XPO6: variants seen among roughly 807,000 people sequenced by gnomAD.
XPO6 encodes the protein exportin 6.
Under a neutral mutation model 130.0 loss-of-function variants are expected in XPO6, and 3 were observed. The observed-to-expected ratio is 0.02, with a 90% CI of 0.01 to 0.06. XPO6 has a LOEUF of 0.06. XPO6 is among the 10% of genes least tolerant of loss of function. The pLI, the probability that XPO6 is intolerant of heterozygous loss-of-function variation, is 1.00. For missense variants in XPO6, 970 were observed against 1,393.0 expected (o/e 0.70, Z 4.83); for synonymous variants, 524 against 548.9 (o/e 0.95, Z 0.63).
At chr16:28,195,149 G>C (rs550280145) in intron 1 of XPO6, among the ~76,000 whole-genome samples, 2 of 152,072 alleles carry the variant, frequency 1.3e-5, no homozygotes, top group South Asian at 2.1e-4. Context: ...TGCCACCTCA[G>C]TGGGGGCCAA....
chr16:28,112,584 C>T (rs1395994922), intron 16 of XPO6, among the ~76,000 whole-genome samples: 2 of 152,224 alleles, frequency 1.3e-5, no homozygotes, highest in Admixed American at 1.3e-4. Flanking sequence ...CAACAAAAAC[C>T]AGACTGCTTT....
intron 16 of XPO6, 103 bp downstream of exon 16, chr16:28,112,801 G>T: frequency 7.0e-7 from 1 of 1,437,386 alleles, no homozygotes. Flanking sequence ...GGTACAGCCT[G>T]TAAGCTCTGA....
intron 23 of XPO6, among the ~76,000 whole-genome samples, chr16:28,100,622 A>T (rs908177285): frequency 7.9e-5 from 12 of 152,236 alleles, no homozygotes; most frequent in African/African-American, 2.2e-4. Flanking sequence ...CAGAGGACTC[A>T]GGTCAAGAAC....
intron 17 of XPO6, among the ~76,000 whole-genome samples, chr16:28,109,129 C>G (rs1175506112): frequency 6.6e-6 from 1 of 152,098 alleles, no homozygotes; most frequent in Non-Finnish European, 1.5e-5. Context: ...AGACCAAAAT[C>G]TGACCTCTGG....
At chr16:28,171,334 T>TC (rs2043445033) in intron 4 of XPO6, among the ~76,000 whole-genome samples, 1 of 150,880 alleles carries the variant, frequency 6.6e-6, no homozygotes, top group African/African-American at 2.4e-5. Context: ...GCGCCTATAG[T>TC]CCCAGCTACT....
chr16:28,164,102 A>G (rs1183338892), intron 6 of XPO6, among the ~76,000 whole-genome samples: 1 of 152,244 alleles, frequency 6.6e-6, no homozygotes, highest in African/African-American at 2.4e-5. Context: ...AATAAGACAG[A>G]AAATTACATT....
At chr16:28,156,766 A>C (rs2043190522) in intron 6 of XPO6, among the ~76,000 whole-genome samples, 2 of 152,288 alleles carry the variant, frequency 1.3e-5, no homozygotes, top group South Asian at 4.1e-4. Flanking sequence ...ATCTGGATAC[A>C]ATCTTTAGTG....
At chr16:28,102,047 T>C (rs1000145486) in intron 21 of XPO6, 102 bp from the exon 22 acceptor site, 5 of 907,404 alleles carry the variant, frequency 5.5e-6, no homozygotes, top group African/African-American at 5.0e-5. Context: ...GTACCCATTG[T>C]CTTGATGCTT....
At position 28,177,349 on chromosome 16, in the gene XPO6, GC is replaced by G. The variant is rs778372269; in HGVS notation, c.95-18del. On this transcript the variant is annotated intron_variant, in intron 2 of 23. Coordinates refer to ENST00000304658, the MANE Select transcript of XPO6 (RefSeq NM_015171.4). ...GAAGCTCCTCTGGAAAAGTTAAATG[GC>G]AACAAAAGAAAGCTATGAAAATACA... is the stretch of plus-strand genomic sequence containing the variant. 6.6e-7 allele frequency: 1 copy of G among 1,507,694 alleles called. No homozygotes were observed. Among genetic ancestry groups the G allele is most frequent in the Non-Finnish European group, 9.2e-7 (1 of 1,090,932 alleles). 93.4% of individuals were successfully genotyped at this position (1,507,694 alleles called of 1,614,324 possible). A position where few individuals can be genotyped will look rare whatever the true frequency, so the allele number is the denominator to read the frequency against.
intron 9 of XPO6, among the ~76,000 whole-genome samples, chr16:28,140,817 G>A (rs1013531262): frequency 3.1e-4 from 47 of 151,822 alleles, no homozygotes; most frequent in African/African-American, 1.1e-3. Flanking sequence ...AATTATACAT[G>A]TTAAGGCAAC....
chr16:28,103,946 A>T (rs1180975724), intron 21 of XPO6, among the ~76,000 whole-genome samples: 1 of 152,228 alleles, frequency 6.6e-6, no homozygotes, highest in Non-Finnish European at 1.5e-5. Context: ...AGAACGTCAG[A>T]CACTTGAGTG....
intron 9 of XPO6, among the ~76,000 whole-genome samples, chr16:28,139,353 G>A (rs778012656): frequency 7.2e-5 from 11 of 152,184 alleles, no homozygotes; most frequent in Non-Finnish European, 1.0e-4. Context: ...CCAAAACTAA[G>A]AGAAAATAAA....
chr16:28,206,984 C>T (rs1188147008), intron 1 of XPO6, among the ~76,000 whole-genome samples: 1 of 152,146 alleles, frequency 6.6e-6, no homozygotes, highest in East Asian at 1.9e-4. Context: ...TGGTGGCTCC[C>T]ACCTGTAATC....
At chr16:28,127,747 T>C (rs2042589739) in intron 12 of XPO6, among the ~76,000 whole-genome samples, 1 of 152,100 alleles carries the variant, frequency 6.6e-6, no homozygotes, top group Admixed American at 6.6e-5. Context: ...GACACGAGGC[T>C]GGAAGAGGGG....
chr16:28,209,876 C>T (rs1199013826), intron 1 of XPO6, among the ~76,000 whole-genome samples: 1 of 151,618 alleles, frequency 6.6e-6, no homozygotes, highest in Non-Finnish European at 1.5e-5. Context: ...CGGTGGCTCA[C>T]GCCTGTAATC....
intron 14 of XPO6, among the ~76,000 whole-genome samples, chr16:28,118,553 G>T (rs2141260070): frequency 6.6e-6 from 1 of 152,234 alleles, no homozygotes; most frequent in South Asian, 2.1e-4. Context: ...TAGAAATGGG[G>T]TCTATGTTGG....
At chr16:28,180,878 C>T (rs2043604633) in intron 2 of XPO6, 63 bp downstream of exon 2, 1 of 1,379,534 alleles carries the variant, frequency 7.2e-7, no homozygotes, top group African/African-American at 1.4e-5. Flanking sequence ...ACGAACAACT[C>T]CTTCCTCCCT....
At chr16:28,203,137 T>C (rs1018910557) in intron 1 of XPO6, among the ~76,000 whole-genome samples, 5 of 152,106 alleles carry the variant, frequency 3.3e-5, no homozygotes, top group South Asian at 2.1e-4. Context: ...TACCCAGGCA[T>C]GGTGATGCAT....
At chr16:28,204,501 G>A (rs936811462) in intron 1 of XPO6, among the ~76,000 whole-genome samples, 1 of 152,008 alleles carries the variant, frequency 6.6e-6, no homozygotes, top group Admixed American at 6.6e-5. Flanking sequence ...TAAGAAGACC[G>A]AGGGAGCTGC....
Sources: allele counts gnomAD v4.1 joint callset (sites outside exome capture counted in the v4.1 genomes callset), GRCh38; gene constraint gnomAD v4.1.1; transcripts MANE v1.5; gene names NCBI Gene and HGNC (gene_info 2026-07-23, HGNC 2026-07-21).